Variants in PRKCQ observed in about 807,000 individuals in gnomAD.
PRKCQ encodes the protein protein kinase C theta type.
PRKCQ carries 41 observed loss-of-function variants against 91.2 expected under a neutral mutation model. The ratio of observed to expected loss-of-function variants is 0.45; its 90% confidence interval spans 0.35 to 0.58. PRKCQ has a LOEUF of 0.58. Ranked by LOEUF, PRKCQ falls within the 20% of genes least tolerant of loss-of-function variation. The pLI is 0.00. For missense variants in PRKCQ, 673 were observed against 896.5 expected, an observed-to-expected ratio of 0.75 and a Z score of 3.18; for synonymous variants, 307 against 316.9, an observed-to-expected ratio of 0.97 and a Z score of 0.33.
intron 1 of PRKCQ, among the ~76,000 whole-genome samples, chr10:6,533,915 G>A (rs929486606): frequency 6.6e-6 from 1 of 152,070 alleles, no homozygotes; most frequent in Non-Finnish European, 1.5e-5. Context: ...AAAAGTACTA[G>A]GTAACATAGA....
At chr10:6,537,457 G>A (rs1252278610) in intron 1 of PRKCQ, among the ~76,000 whole-genome samples, 3 of 152,190 alleles carry the variant, frequency 2.0e-5, no homozygotes, top group Admixed American at 6.5e-5. Context: ...GCTCAAGGCT[G>A]CACAGCTTGT....
intron 10 of PRKCQ, among the ~76,000 whole-genome samples, chr10:6,484,809 G>A (rs1836810557): frequency 1.3e-5 from 2 of 152,202 alleles, no homozygotes; most frequent in African/African-American, 4.8e-5. Context: ...CAAAGGTGCA[G>A]AGTAAGAATG....
At chr10:6,539,869 T>C (rs2130914326) in intron 1 of PRKCQ, among the ~76,000 whole-genome samples, 1 of 152,304 alleles carries the variant, frequency 6.6e-6, no homozygotes, top group South Asian at 2.1e-4. Flanking sequence ...CTTTTCAAAA[T>C]ATAGTTCTAA....
At chr10:6,476,269 A>T (rs553440574) in intron 12 of PRKCQ, among the ~76,000 whole-genome samples, 2 of 151,576 alleles carry the variant, frequency 1.3e-5, no homozygotes, top group East Asian at 3.9e-4. Context: ...TGGGATTCCC[A>T]ATAGCCTTCC....
At chr10:6,573,765 A>G (rs926569637) in intron 1 of PRKCQ, among the ~76,000 whole-genome samples, 9 of 152,194 alleles carry the variant, frequency 5.9e-5, no homozygotes, top group Non-Finnish European at 1.3e-4. Flanking sequence ...TTACAAGGTT[A>G]AAAAAAGAAA....
intron 1 of PRKCQ, among the ~76,000 whole-genome samples, chr10:6,532,953 C>T (rs1839443158): frequency 6.6e-6 from 1 of 151,966 alleles, no homozygotes; most frequent in Admixed American, 6.6e-5. Flanking sequence ...TTTCATATTC[C>T]CCCCTGAATC....
intron 1 of PRKCQ, among the ~76,000 whole-genome samples, chr10:6,558,730 T>C (rs1840514015): frequency 6.6e-6 from 1 of 152,170 alleles, no homozygotes; most frequent in South Asian, 2.1e-4. Flanking sequence ...GGAAGAGAAA[T>C]AAGATTTTAA....
At chr10:6,524,614 AG>A (rs1170815227) in intron 1 of PRKCQ, among the ~76,000 whole-genome samples, 1 of 152,262 alleles carries the variant, frequency 6.6e-6, no homozygotes, top group East Asian at 1.9e-4. Context: ...TAGATGAGAA[AG>A]GTCCCCTCTT....
intron 16 of PRKCQ, among the ~76,000 whole-genome samples, chr10:6,435,444 A>C (rs1833654103): frequency 1.3e-5 from 2 of 152,248 alleles, no homozygotes; most frequent in Non-Finnish European, 2.9e-5. Context: ...CAAAGGAGGA[A>C]TAGAGATAAA....
At chr10:6,404,287 A>AGAGAGAG in the PRKCQ span, among the ~76,000 whole-genome samples, 3 of 146,008 alleles carry the variant, frequency 2.1e-5, no homozygotes, top group Non-Finnish European at 3.0e-5. Flanking sequence ...AGAGAGAGAG[A>AGAGAGAG]TTGCATGGCC....
chr10:6,516,567 G>A (rs957285628), intron 1 of PRKCQ, among the ~76,000 whole-genome samples: 1 of 152,018 alleles, frequency 6.6e-6, no homozygotes, highest in African/African-American at 2.4e-5. Context: ...TTCTTTCCTG[G>A]GCCAATTGGG....
At chr10:6,406,820 A>AAACGATACTTTTC in the PRKCQ span, among the ~76,000 whole-genome samples, 2 of 152,208 alleles carry the variant, frequency 1.3e-5, no homozygotes, top group Admixed American at 1.3e-4. Flanking sequence ...AGCCACTTTT[A>AAACGATACTTTTC]AACGATACTT....
intron 16 of PRKCQ, among the ~76,000 whole-genome samples, chr10:6,437,564 A>G (rs1156903345): frequency 6.6e-6 from 1 of 152,266 alleles, no homozygotes; most frequent in Non-Finnish European, 1.5e-5. Context: ...ATTTATTGCT[A>G]CAAATGTAGC....
intron 4 of PRKCQ, among the ~76,000 whole-genome samples, chr10:6,505,456 T>G (rs1009663074): frequency 6.6e-6 from 1 of 151,738 alleles, no homozygotes; most frequent in Non-Finnish European, 1.5e-5. Flanking sequence ...TTCTTTCTTT[T>G]GAAGGACCCT....
At chr10:6,518,861 A>G (rs2130877031) in intron 1 of PRKCQ, among the ~76,000 whole-genome samples, 1 of 152,340 alleles carries the variant, frequency 6.6e-6, no homozygotes, top group African/African-American at 2.4e-5. Flanking sequence ...AATAAAAACA[A>G]TAATATGTTT....
intron 12 of PRKCQ, among the ~76,000 whole-genome samples, chr10:6,476,661 G>A (rs1164589633): frequency 6.6e-6 from 1 of 152,078 alleles, no homozygotes; most frequent in East Asian, 1.9e-4. Context: ...CTGTCATTGG[G>A]TATTTGTGTT....
At chr10:6,447,917 G>A (rs1348733144) in intron 15 of PRKCQ, among the ~76,000 whole-genome samples, 4 of 152,180 alleles carry the variant, frequency 2.6e-5, no homozygotes, top group African/African-American at 4.8e-5. Context: ...ACTGAGGAGG[G>A]AGAACACAGC....
intron 4 of PRKCQ, among the ~76,000 whole-genome samples, chr10:6,505,462 A>C (rs1838144557): frequency 1.5e-5 from 2 of 133,162 alleles, no homozygotes; most frequent in South Asian, 2.4e-4. Context: ...CTTTTGAAGG[A>C]CCCTTTTTCT....
At chr10:6,406,316 C>CT in the PRKCQ span, among the ~76,000 whole-genome samples, 536 of 143,174 alleles carry the variant, frequency 3.7e-3, 2 homozygotes, top group East Asian at 0.011. Context: ...AATCAAACTA[C>CT]TTTTTTTTTT....
Sources: allele counts gnomAD v4.1 joint callset (sites outside exome capture counted in the v4.1 genomes callset), GRCh38; gene constraint gnomAD v4.1.1; transcripts MANE v1.5; gene names NCBI Gene and HGNC (gene_info 2026-07-23, HGNC 2026-07-21).